The following LAPTM4B variants were observed in gnomAD, a reference collection of about 807,000 sequenced individuals.
The protein encoded by LAPTM4B is lysosomal protein transmembrane 4 beta.
A neutral mutation model predicts 28.5 loss-of-function variants in LAPTM4B; 26 were observed. The ratio of observed to expected loss-of-function variants is 0.91; its 90% CI spans 0.67 to 1.27. The LOEUF (loss-of-function observed/expected upper bound fraction) is 1.27, where lower values mean the gene tolerates loss of function less well. LAPTM4B is among the 50% of genes most tolerant of loss of function. The pLI, the probability that LAPTM4B is intolerant of heterozygous loss-of-function variation, is 0.00. For missense variants in LAPTM4B, 288 were observed against 285.8 expected, an observed-to-expected ratio of 1.01 and a Z score of -0.06; for synonymous variants, 109 against 106.4, an observed-to-expected ratio of 1.02 and a Z score of -0.15.
intron 2 of LAPTM4B, among the ~76,000 whole-genome samples, chr8:97,810,177 G>A (rs1018647976): frequency 2.6e-5 from 4 of 151,962 alleles, no homozygotes; most frequent in African/African-American, 4.8e-5. Flanking sequence ...CATTCTCGAC[G>A]TCCCAAAGTG....
At chr8:97,837,548 T>G (rs1195426939) in intron 6 of LAPTM4B, among the ~76,000 whole-genome samples, 1 of 151,702 alleles carries the variant, frequency 6.6e-6, no homozygotes, top group African/African-American at 2.4e-5. Flanking sequence ...TGAGTTCTGT[T>G]TTTTTTTTCC....
chr8:97,805,323 T>TC (rs763977086), intron 1 of LAPTM4B, 30 bp from the exon 2 acceptor site: 153 of 1,063,408 alleles, frequency 1.4e-4, no homozygotes, highest in Admixed American at 2.5e-4. Flanking sequence ...TTACTTAAAT[T>TC]CTTTTTTTTT....
intron 6 of LAPTM4B, among the ~76,000 whole-genome samples, chr8:97,825,430 T>A (rs1266275118): frequency 1.3e-5 from 2 of 152,238 alleles, no homozygotes; most frequent in Non-Finnish European, 2.9e-5. Context: ...CTTACTGTAA[T>A]TATTTATCTT....
intron 6 of LAPTM4B, among the ~76,000 whole-genome samples, chr8:97,834,399 C>T (rs1049951620): frequency 1.1e-4 from 17 of 152,088 alleles, no homozygotes; most frequent in African/African-American, 3.6e-4. Context: ...TTACTCCGTA[C>T]CTGTTTTCAG....
intron 1 of LAPTM4B, among the ~76,000 whole-genome samples, chr8:97,784,955 GATTT>G (rs1816378388): frequency 6.6e-6 from 1 of 152,196 alleles, no homozygotes. Context: ...GAATTGAACA[GATTT>G]AGATAGGGAA....
rs1265935563 is a variant in LAPTM4B, at chr8:97,852,515, A to G, written c.*1041A>G. 1 of 152,176 alleles carries G rather than the reference A, an allele frequency of 6.6e-6. No homozygotes were observed. Among genetic ancestry groups the G allele is most frequent in the African/African-American group, 2.4e-5 (1 of 41,404 alleles). The allele number at this position is 152,176 out of a possible 1,614,324, so 9.4% of individuals were successfully genotyped here. Reference sequence around the variant, plus strand: ...GATTTTTATATATTCATATGTTACAAAGTCAGCAACTCTCCTGTTGGTTCA... The same window carrying G: ...GATTTTTATATATTCATATGTTACAGAGTCAGCAACTCTCCTGTTGGTTCA... On this transcript the variant is annotated 3_prime_UTR_variant, in exon 7 of 7. Transcript: ENST00000521545.
intron 6 of LAPTM4B, among the ~76,000 whole-genome samples, chr8:97,841,607 C>T (rs982670938): frequency 2.6e-5 from 4 of 152,190 alleles, no homozygotes; most frequent in Non-Finnish European, 4.4e-5. Context: ...GGATTACAGG[C>T]GTGAGCCACT....
chr8:97,825,989 G>C (rs1413625047), intron 6 of LAPTM4B, among the ~76,000 whole-genome samples: 1 of 152,200 alleles, frequency 6.6e-6, no homozygotes, highest in Non-Finnish European at 1.5e-5. Flanking sequence ...ATTTATACTA[G>C]AGTAGAGTTT....
At chr8:97,787,934 A>G (rs1816432599) in intron 1 of LAPTM4B, among the ~76,000 whole-genome samples, 1 of 152,116 alleles carries the variant, frequency 6.6e-6, no homozygotes, top group Non-Finnish European at 1.5e-5. Flanking sequence ...CCCAGGTTCA[A>G]GTGATTCTCC....
chr8:97,807,919 CATTAT>C (rs1367285908), intron 2 of LAPTM4B, among the ~76,000 whole-genome samples: 8 of 147,782 alleles, frequency 5.4e-5, no homozygotes, highest in African/African-American at 2.0e-4. Flanking sequence ...GAAAAGTTGG[CATTAT>C]ATTATCCTGG....
chr8:97,816,918 C>G (rs1372064967), intron 4 of LAPTM4B, among the ~76,000 whole-genome samples: 1 of 147,792 alleles, frequency 6.8e-6, no homozygotes, highest in East Asian at 2.0e-4. Context: ...CCAGCCTGGG[C>G]AATAGAGTGA....
chr8:97,789,038 CTTTATTTATTTATTTA>C (rs71570264), intron 1 of LAPTM4B, among the ~76,000 whole-genome samples: 8,551 of 140,708 alleles, frequency 0.061, 592 homozygotes, highest in African/African-American at 0.17. Flanking sequence ...GGTGCTCACT[CTTTATTTATTTATTTA>C]TTTATTTATT....
intron 6 of LAPTM4B, among the ~76,000 whole-genome samples, chr8:97,832,442 G>T (rs904064795): frequency 2.0e-5 from 3 of 152,084 alleles, no homozygotes; most frequent in Admixed American, 1.3e-4. Flanking sequence ...CTGTCATTTT[G>T]TAACAACTTG....
chr8:97,814,725 G>A (rs772856099), intron 2 of LAPTM4B, among the ~76,000 whole-genome samples: 32 of 150,502 alleles, frequency 2.1e-4, no homozygotes, highest in East Asian at 5.9e-4. Flanking sequence ...ATGGAGTCTC[G>A]CTCTATCGCC....
In LAPTM4B at chr8:97,852,629, G is replaced by A. The variant is rs1184009391; in HGVS notation, c.*1155G>A. The A allele has an allele frequency of 6.8e-6, 1 of 147,876 alleles. No individual in the cohort carries two copies. The highest frequency in any genetic ancestry group is 2.6e-5 in the African/African-American group (1 of 38,100). The allele number at this position is 147,876 out of a possible 1,614,324, so 9.2% of individuals were successfully genotyped here. A position where few individuals can be genotyped will look rare whatever the true frequency, so the allele number is the denominator to read the frequency against. ...GACCTTGTGATTTTGTGCTGATTGT[G>A]TCTGAGGACCTTTCCCTCCACATAT... On this transcript the variant is annotated 3_prime_UTR_variant, in exon 7 of 7. Coordinates refer to ENST00000521545, the MANE Select transcript of LAPTM4B (RefSeq NM_018407.6).
chr8:97,816,053 T>G lies in LAPTM4B; in HGVS notation c.286-5T>G. On this transcript the variant is annotated splice_region_variant and splice_polypyrimidine_tract_variant and intron_variant, in intron 3 of 6. Coordinates refer to ENST00000521545, the MANE Select transcript of LAPTM4B (RefSeq NM_018407.6). ...CATTAACTTTCTATTTTCTGTTCTG[T>G]TTAGCAACGCGCAGCCTGGATCATC... The G allele has an allele frequency of 6.5e-7, 1 of 1,536,266 alleles. No homozygotes were observed. The highest frequency in any genetic ancestry group is 9.0e-7 in the Non-Finnish European group (1 of 1,115,850).
At chr8:97,781,946 G>A (rs1816326553) in intron 1 of LAPTM4B, among the ~76,000 whole-genome samples, 1 of 150,742 alleles carries the variant, frequency 6.6e-6, no homozygotes, top group Non-Finnish European at 1.5e-5. Context: ...TATAAATAAA[G>A]CTGCACTGAA....
In LAPTM4B at chr8:97,776,913, G is replaced by C. The variant is rs191758711; in HGVS notation, c.99+805G>C. ...TTTGTATGAGGAGCAGTGATTTTCA[G>C]AGCTAGTGAGGAAACCTGATGGAGT... is the stretch of plus-strand genomic sequence containing the variant. On this transcript the variant is annotated intron_variant, in intron 1 of 6. Transcript: ENST00000521545. 4.6e-5 allele frequency among the ~76,000 whole-genome samples: 7 copies of C among 152,106 alleles called. No homozygotes were observed. In the East Asian group the frequency reaches 1.4e-3, roughly 29 times the overall value.
rs952557610 is a variant in LAPTM4B, at chr8:97,836,938, GAA to G, written c.603+11793_603+11794del. On this transcript the variant is annotated intron_variant, in intron 6 of 6. Coordinates refer to ENST00000521545, the MANE Select transcript of LAPTM4B (RefSeq NM_018407.6). ...TGGTTTCAGAAAATAAGTATAAAGA[GAA>G]AAAAAAATATATATATATAACATAT... Among the ~76,000 whole-genome samples, 11 of 150,564 alleles carry G rather than the reference GAA, an allele frequency of 7.3e-5. No individual in the cohort carries two copies. The South Asian group carries it at 8.4e-4, about 11-fold the overall frequency.
Sources: allele counts gnomAD v4.1 joint callset (sites outside exome capture counted in the v4.1 genomes callset), GRCh38; gene constraint gnomAD v4.1.1; transcripts MANE v1.5; gene names NCBI Gene and HGNC (gene_info 2026-07-23, HGNC 2026-07-21).